OPRD1: variants seen among roughly 807,000 people sequenced by gnomAD.
OPRD1 encodes the protein opioid receptor delta 1.
OPRD1 carries 19 observed loss-of-function variants against 17.5 expected under a neutral mutation model. That is an observed-to-expected ratio of 1.09 (90% CI 0.76 to 1.60). The LOEUF is 1.60. Among genes scored for constraint, OPRD1 ranks in the 40% most tolerant of loss-of-function variants. OPRD1 has a pLI of 0.00. For missense variants in OPRD1, 483 were observed against 547.2 expected, an observed-to-expected ratio of 0.88 and a Z score of 1.17; for synonymous variants, 256 against 240.9, an observed-to-expected ratio of 1.06 and a Z score of -0.58.
rs2089190992 is a variant in OPRD1 at position 28,868,231 on chromosome 1, A to T, written c.*4948A>T. The stretch of plus-strand genomic sequence containing the variant: ...GCTAACTGGCTGTGTGACCTAGACA[A>T]GGGATTTGCCTTCTCTGAGCTTCAG... On this transcript the variant is annotated 3_prime_UTR_variant, in exon 3 of 3. Transcript: ENST00000234961. 1 of 152,208 alleles carries T rather than the reference A, an allele frequency of 6.6e-6. No homozygotes were observed. The allele number at this position is 152,208 out of a possible 1,614,324, so 9.4% of individuals were successfully genotyped here.
chr1:28,814,548 G>A (rs2088657977), intron 1 of OPRD1, among the ~76,000 whole-genome samples: 1 of 152,236 alleles, frequency 6.6e-6, no homozygotes, highest in Non-Finnish European at 1.5e-5. Flanking sequence ...GGGAGCTCCA[G>A]GTGCCCAAGT....
chr1:28,859,401 G>GTGGC, intron 2 of OPRD1, 98 bp downstream of exon 2: 1 of 1,030,976 alleles, frequency 9.7e-7, no homozygotes, highest in Non-Finnish European at 1.4e-6. Context: ...GTGAGTGTAG[G>GTGGC]TGGCTCATCA....
In OPRD1 at chr1:28,858,357, G is replaced by C. The variant is rs537178938; in HGVS notation, c.228-597G>C. Among the ~76,000 whole-genome samples the C allele has an allele frequency of 1.2e-4, 18 of 150,784 alleles. No homozygotes were observed. The South Asian group carries it at 3.8e-3, about 32-fold the overall frequency. ...TCTCGATCTCCTGACCTCGTGATCCGCCCGCCTCGGCCTCCCAAAGTGCTG... is the reference window on the plus strand; with the variant it reads ...TCTCGATCTCCTGACCTCGTGATCCCCCCGCCTCGGCCTCCCAAAGTGCTG... On this transcript the variant is annotated intron_variant, in intron 1 of 2. Transcript: ENST00000234961.
chr1:28,847,721 C>G (rs1488643087), intron 1 of OPRD1, among the ~76,000 whole-genome samples: 1 of 151,986 alleles, frequency 6.6e-6, no homozygotes, highest in Non-Finnish European at 1.5e-5. Flanking sequence ...GTAAACACAG[C>G]TACTTGGGAG....
chr1:28,823,669 C>T (rs1569608079), intron 1 of OPRD1, among the ~76,000 whole-genome samples: 1 of 152,080 alleles, frequency 6.6e-6, no homozygotes, highest in East Asian at 2.0e-4. Context: ...GCTGGGATTA[C>T]AGGCGTGAGC....
At chr1:28,831,240 G>A (rs2088806236) in intron 1 of OPRD1, among the ~76,000 whole-genome samples, 1 of 152,182 alleles carries the variant, frequency 6.6e-6, no homozygotes, top group Non-Finnish European at 1.5e-5. Flanking sequence ...GGCCTGGTGT[G>A]GTGGCTCACA....
Position 28,863,275 on chromosome 1 carries a change from G to T in OPRD1, c.1111G>T (p.Ala371Ser). 4.1e-6 allele frequency: 6 copies of T among 1,449,838 alleles called. No individual in the cohort carries two copies. Among genetic ancestry groups the T allele is most frequent in the Non-Finnish European group, 2.7e-6 (3 of 1,112,338 alleles). The allele number at this position is 1,449,838 out of a possible 1,614,324, so 89.8% of individuals were successfully genotyped here. The stretch of plus-strand genomic sequence containing the variant: ...GTCCGATGGTCCCGGCGGTGGCGCT[G>T]CCGCCTGACCAGGCCATCCGGCCCC... ...TPSDGPGGGAAA is the reference protein window; with the variant it reads ...TPSDGPGGGASA The change falls in exon 3 of 3, where the codon GCC becomes TCC. Residue 371 changes from alanine (A) to serine (S), a missense_variant. By Grantham distance (99) the Ala-to-Ser change is moderately conservative (BLOSUM62 1). Coordinates refer to ENST00000234961, the MANE Select transcript of OPRD1 (RefSeq NM_000911.4).
At chr1:28,829,051 C>T (rs1340796270) in intron 1 of OPRD1, among the ~76,000 whole-genome samples, 1 of 151,064 alleles carries the variant, frequency 6.6e-6, no homozygotes, top group Non-Finnish European at 1.5e-5. Flanking sequence ...TGTAACCAGG[C>T]ACTGACTTCT....
At chr1:28,862,627 C>A in intron 2 of OPRD1, 115 bp from the exon 3 acceptor site, 1 of 926,156 alleles carries the variant, frequency 1.1e-6, no homozygotes, top group Non-Finnish European at 1.6e-6. Flanking sequence ...TGAACAAAGG[C>A]TGGGAGGAGG....
At chr1:28,836,696 C>G (rs776329130) in intron 1 of OPRD1, among the ~76,000 whole-genome samples, 2 of 152,072 alleles carry the variant, frequency 1.3e-5, no homozygotes, top group Non-Finnish European at 2.9e-5. Flanking sequence ...TTTCACATGG[C>G]CATGTATGTC....
intron 1 of OPRD1, among the ~76,000 whole-genome samples, chr1:28,854,122 C>T (rs576090482): frequency 2.9e-4 from 44 of 152,176 alleles, no homozygotes; most frequent in African/African-American, 8.7e-4. Flanking sequence ...GGCTGTCTCT[C>T]GGGAGAGAGG....
In OPRD1 at chr1:28,863,024, T is replaced by G. The variant is rs1186649110; in HGVS notation, c.860T>G (p.Val287Gly). ...IHIFVIVWTL[V>G]DIDRRDPLVV... ...ATCTTCGTCATCGTCTGGACGCTGG[T>G]GGACATCGACCGGCGCGACCCGCTG... is the stretch of plus-strand genomic sequence containing the variant. The change falls in exon 3 of 3, where the codon GTG (valine) becomes GGG (glycine). Residue 287 changes from valine to glycine, a missense_variant. By Grantham distance (109) the Val-to-Gly change is moderately radical. Coordinates refer to ENST00000234961, the MANE Select transcript of OPRD1 (RefSeq NM_000911.4). 6.2e-7 allele frequency: 1 copy of G among 1,608,252 alleles called. No homozygotes were observed. Among genetic ancestry groups the G allele is most frequent in the Non-Finnish European group, 8.5e-7 (1 of 1,177,432 alleles).
chr1:28,812,322 C>T lies in OPRD1; in HGVS notation c.-62C>T. ...GGCCTCTGCCTTGCCGCTCCCCTCG[C>T]GTCGGATCCCCGCGCCCAGGGCGCA... On this transcript the variant is annotated 5_prime_UTR_variant, in exon 1 of 3. Coordinates refer to ENST00000234961, the MANE Select transcript of OPRD1 (RefSeq NM_000911.4). 8.5e-7 allele frequency: 1 copy of T among 1,176,676 alleles called. No individual in the cohort carries two copies. Among genetic ancestry groups the T allele is most frequent in the African/African-American group, 1.6e-5 (1 of 62,478 alleles). 72.9% of individuals were successfully genotyped at this position (1,176,676 alleles called of 1,614,324 possible). A position where few individuals can be genotyped will look rare whatever the true frequency, so the allele number is the denominator to read the frequency against.
Position 28,864,473 on chromosome 1 carries a change from G to A in OPRD1, c.*1190G>A, listed in dbSNP as rs2089155241. 1 of 151,786 alleles carries A rather than the reference G, an allele frequency of 6.6e-6. No individual in the cohort carries two copies. Among genetic ancestry groups the A allele is most frequent in the South Asian group, 2.1e-4 (1 of 4,796 alleles). The allele number at this position is 151,786 out of a possible 1,614,324, so 9.4% of individuals were successfully genotyped here. ...AAGACAGGACCTTGGTTGGAGTAGG[G>A]TCCCCAGAACTGAGTACTAATGGGG... On this transcript the variant is annotated 3_prime_UTR_variant, in exon 3 of 3. Coordinates refer to ENST00000234961, the MANE Select transcript of OPRD1 (RefSeq NM_000911.4).
chr1:28,839,999 C>G (rs2088882933), intron 1 of OPRD1, among the ~76,000 whole-genome samples: 1 of 152,200 alleles, frequency 6.6e-6, no homozygotes, highest in Admixed American at 6.5e-5. Flanking sequence ...GGCACCCTGG[C>G]ACCTGCACTC....
intron 1 of OPRD1, among the ~76,000 whole-genome samples, chr1:28,834,580 A>G (rs1028513338): frequency 6.6e-6 from 1 of 151,316 alleles, no homozygotes; most frequent in African/African-American, 2.4e-5. Context: ...AGGTCTCCCT[A>G]TGTTGCCCAG....
intron 1 of OPRD1, among the ~76,000 whole-genome samples, chr1:28,825,658 A>T (rs920651072): frequency 6.6e-6 from 1 of 152,244 alleles, no homozygotes; most frequent in South Asian, 2.1e-4. Context: ...TGCCAGGATT[A>T]CAGGCGTGAG....
chr1:28,861,045 T>C (rs1039279750), intron 2 of OPRD1, among the ~76,000 whole-genome samples: 11 of 152,304 alleles, frequency 7.2e-5, no homozygotes, highest in Admixed American at 3.9e-4. Flanking sequence ...TCAGCACTTA[T>C]TGAACCTGTG....
Position 28,812,409 on chromosome 1 carries a change from C to T in OPRD1, c.26C>T (p.Ala9Val). 1 of 1,456,592 alleles carries T rather than the reference C, an allele frequency of 6.9e-7. No homozygotes were observed. Among genetic ancestry groups the T allele is most frequent in the Non-Finnish European group, 9.0e-7 (1 of 1,111,046 alleles). The allele number at this position is 1,456,592 out of a possible 1,614,324, so 90.2% of individuals were successfully genotyped here. MEPAPSAGAELQPPLFANA... is the reference protein window; with the variant it reads MEPAPSAGVELQPPLFANA... ...ATGGAACCGGCCCCCTCCGCCGGCG[C>T]CGAGCTGCAGCCCCCGCTCTTCGCC... Residue 9 changes from alanine (A) to valine (V), a missense_variant, in exon 1 of 3, where the codon GCC becomes GTC. Coordinates refer to ENST00000234961, the MANE Select transcript of OPRD1 (RefSeq NM_000911.4).
Sources: gnomAD v4.1 joint callset for allele counts (sites outside exome capture counted in the v4.1 genomes callset) on GRCh38, gnomAD v4.1.1 for gene constraint, MANE v1.5 for transcripts, NCBI Gene and HGNC (gene_info 2026-07-23, HGNC 2026-07-21) for gene names.